CNNM2: variants seen among roughly 807,000 people sequenced by gnomAD.
CNNM2 encodes the protein metal transporter CNNM2.
In CNNM2, 12 loss-of-function variants were observed where a neutral mutation model predicts 66.9. The observed-to-expected ratio is 0.18, with a 90% CI of 0.11 to 0.29. The LOEUF (loss-of-function observed/expected upper bound fraction) is 0.29, where lower values mean the gene tolerates loss of function less well. CNNM2 is among the 10% of genes least tolerant of loss of function. CNNM2 has a pLI of 1.00. For missense variants in CNNM2, 705 were observed against 1,167.7 expected (o/e 0.60, Z 5.77); for synonymous variants, 557 against 501.8 (o/e 1.11, Z -1.47).
chr10:102,946,921 A>G (rs978243297), intron 1 of CNNM2, among the ~76,000 whole-genome samples: 2 of 152,244 alleles, frequency 1.3e-5, no homozygotes, highest in Non-Finnish European at 1.5e-5. Flanking sequence ...AACACATGCC[A>G]TACTTAATAT....
chr10:103,087,763 T>C lies in CNNM2; in HGVS notation c.*10583T>C, dbSNP rs1476209242. The C allele has an allele frequency of 1.3e-5, 2 of 152,240 alleles. No homozygotes were observed. The highest frequency in any genetic ancestry group is 2.9e-5 in the Non-Finnish European group (2 of 68,034). The allele number at this position is 152,240 out of a possible 1,614,324, so 9.4% of individuals were successfully genotyped here. On this transcript the variant is annotated 3_prime_UTR_variant, in exon 8 of 8. Transcript: ENST00000369878. ...ACGGGCAACAGTCTAGTCTAATTGT[T>C]ATTGCATTTCTGACCTGATTCTTTT...
chr10:103,002,287 C>T (rs1307809767), intron 1 of CNNM2, among the ~76,000 whole-genome samples: 1 of 151,990 alleles, frequency 6.6e-6, no homozygotes, highest in Admixed American at 6.6e-5. Context: ...AAAGACAATC[C>T]AATTTAAAAA....
At chr10:102,966,546 G>A (rs1378660565) in intron 1 of CNNM2, among the ~76,000 whole-genome samples, 1 of 152,192 alleles carries the variant, frequency 6.6e-6, no homozygotes, top group Non-Finnish European at 1.5e-5. Context: ...AGAATTGCTT[G>A]AACCTGGGAG....
At chr10:103,029,376 ATC>A in intron 1 of CNNM2, among the ~76,000 whole-genome samples, 1 of 151,422 alleles carries the variant, frequency 6.6e-6, no homozygotes, top group Non-Finnish European at 1.5e-5. Flanking sequence ...GCTGAGGAGA[ATC>A]ACTTGAACCC....
At chr10:102,958,884 C>T (rs189587302) in intron 1 of CNNM2, among the ~76,000 whole-genome samples, 15 of 152,172 alleles carry the variant, frequency 9.9e-5, no homozygotes, top group African/African-American at 3.4e-4. Flanking sequence ...TGGGTGCTTT[C>T]AGATTGTGAG....
intron 1 of CNNM2, among the ~76,000 whole-genome samples, chr10:102,983,397 C>T (rs1590346907): frequency 6.8e-6 from 1 of 146,370 alleles, no homozygotes; most frequent in Non-Finnish European, 1.5e-5. Flanking sequence ...CGTGGTGGCT[C>T]ACACCTGTAA....
intron 1 of CNNM2, among the ~76,000 whole-genome samples, chr10:102,955,323 A>G (rs1045502606): frequency 2.0e-5 from 3 of 152,218 alleles, no homozygotes; most frequent in Non-Finnish European, 2.9e-5. Flanking sequence ...CTGGCTAGCC[A>G]TATGTAGAAA....
At position 103,077,272 on chromosome 10, in the gene CNNM2, C is replaced by A; in HGVS notation, c.*92C>A. On this transcript the variant is annotated 3_prime_UTR_variant, in exon 8 of 8. Transcript: ENST00000369878. ...ATGACTTCACTGGTGTGAGCTTGTC[C>A]GCCATGCTGTACCCTGCAACATCCT... 1.7e-6 allele frequency: 2 copies of A among 1,170,568 alleles called. No individual in the cohort carries two copies. The highest frequency in any genetic ancestry group is 1.2e-6 in the Non-Finnish European group (1 of 809,262). 72.5% of individuals were successfully genotyped at this position (1,170,568 alleles called of 1,614,324 possible). A position where few individuals can be genotyped will look rare whatever the true frequency, so the allele number is the denominator to read the frequency against.
chr10:102,953,561 C>T (rs1308240654), intron 1 of CNNM2, among the ~76,000 whole-genome samples: 2 of 151,410 alleles, frequency 1.3e-5, no homozygotes, highest in East Asian at 3.9e-4. Flanking sequence ...TGTGCCCGGC[C>T]TATTTATTTA....
At chr10:102,968,373 A>G (rs1038904271) in intron 1 of CNNM2, among the ~76,000 whole-genome samples, 33 of 152,082 alleles carry the variant, frequency 2.2e-4, no homozygotes, top group African/African-American at 7.5e-4. Context: ...TAGCCTCCCA[A>G]GTAGCTGGGA....
intron 1 of CNNM2, among the ~76,000 whole-genome samples, chr10:103,019,101 C>T (rs1368279296): frequency 6.6e-6 from 1 of 151,586 alleles, no homozygotes; most frequent in African/African-American, 2.4e-5. Flanking sequence ...GATCCCATCC[C>T]TACTAAAAAT....
intron 1 of CNNM2, among the ~76,000 whole-genome samples, chr10:102,933,445 T>C (rs1183445970): frequency 6.6e-6 from 1 of 152,234 alleles, no homozygotes; most frequent in East Asian, 1.9e-4. Flanking sequence ...TATATAGATA[T>C]ACAAGTGATT....
intron 6 of CNNM2, among the ~76,000 whole-genome samples, chr10:103,074,184 A>G (rs543531791): frequency 1.3e-5 from 2 of 152,274 alleles, no homozygotes; most frequent in African/African-American, 4.8e-5. Flanking sequence ...GCTACTCAGG[A>G]GGCTGAGGCA....
intron 1 of CNNM2, among the ~76,000 whole-genome samples, chr10:102,950,862 GT>G (rs1330547964): frequency 2.0e-5 from 3 of 151,578 alleles, no homozygotes; most frequent in African/African-American, 7.3e-5. Context: ...TCAGCAATTT[GT>G]TTTACAGAAG....
At chr10:103,053,987 C>T (rs749282288) in intron 2 of CNNM2, among the ~76,000 whole-genome samples, 6 of 152,254 alleles carry the variant, frequency 3.9e-5, no homozygotes, top group African/African-American at 9.6e-5. Context: ...CCAGGCTGCG[C>T]GCCCTGTTGC....
Position 103,090,121 on chromosome 10 carries a change from C to A in CNNM2, c.*12941C>A, listed in dbSNP as rs2066338051. 6.7e-6 allele frequency: 3 copies of A among 445,824 alleles called. No individual in the cohort carries two copies. The highest frequency in any genetic ancestry group is 1.2e-5 in the Non-Finnish European group (3 of 254,644). 27.6% of individuals were successfully genotyped at this position (445,824 alleles called of 1,614,324 possible). ...AAAATGGTGCCCATATTGTCTACTGCAGCTGGAAATTGGAAAAGATGGAGA... is the reference window on the plus strand; with the variant it reads ...AAAATGGTGCCCATATTGTCTACTGAAGCTGGAAATTGGAAAAGATGGAGA... On this transcript the variant is annotated 3_prime_UTR_variant, in exon 8 of 8. Transcript: ENST00000369878.
At chr10:102,974,080 A>G (rs1564827042) in intron 1 of CNNM2, among the ~76,000 whole-genome samples, 1 of 152,192 alleles carries the variant, frequency 6.6e-6, no homozygotes, top group African/African-American at 2.4e-5. Flanking sequence ...ACTAGGTAAT[A>G]CAGTTTCCTC....
chr10:102,961,025 G>A (rs1254061351), intron 1 of CNNM2, among the ~76,000 whole-genome samples: 2 of 151,668 alleles, frequency 1.3e-5, no homozygotes, highest in African/African-American at 2.4e-5. Context: ...TTACAGGCAC[G>A]CACCACCACA....
chr10:102,997,040 T>A (rs2064017097), intron 1 of CNNM2, among the ~76,000 whole-genome samples: 2 of 152,220 alleles, frequency 1.3e-5, no homozygotes, highest in African/African-American at 4.8e-5. Context: ...TCCCATATCC[T>A]CTCCTTTCTA....
Sources: gnomAD v4.1 joint callset for allele counts (sites outside exome capture counted in the v4.1 genomes callset) on GRCh38, gnomAD v4.1.1 for gene constraint, MANE v1.5 for transcripts, NCBI Gene and HGNC (gene_info 2026-07-23, HGNC 2026-07-21) for gene names.